Variants in MNAT1 observed in about 807,000 individuals in gnomAD.
The protein encoded by MNAT1 is CDK-activating kinase assembly factor MAT1.
MNAT1 carries 43 observed loss-of-function variants against 42.0 expected under a neutral mutation model. The ratio of observed to expected loss-of-function variants is 1.02; its 90% CI spans 0.80 to 1.32. The LOEUF (loss-of-function observed/expected upper bound fraction) is 1.32, where lower values mean the gene tolerates loss of function less well. MNAT1 is among the 40% of genes most tolerant of loss of function. The pLI, the probability that MNAT1 is intolerant of heterozygous loss-of-function variation, is 0.00. For synonymous variants in MNAT1, 118 were observed against 120.0 expected (o/e 0.98, Z 0.11); for missense variants, 306 against 350.4 (o/e 0.87, Z 1.01).
intron 7 of MNAT1, among the ~76,000 whole-genome samples, chr14:60,964,789 G>A (rs1340528757): frequency 6.6e-6 from 1 of 152,112 alleles, no homozygotes; most frequent in Non-Finnish European, 1.5e-5. Context: ...ACTTGTAATG[G>A]TCATGAAAGA....
At chr14:60,935,270 T>C (rs2035970073) in intron 7 of MNAT1, among the ~76,000 whole-genome samples, 1 of 151,590 alleles carries the variant, frequency 6.6e-6, no homozygotes, top group Non-Finnish European at 1.5e-5. Context: ...TCCCCCTCTC[T>C]TTTTTTTCTT....
Position 60,843,583 on chromosome 14 carries a change from T to C in MNAT1, c.687+24736T>C, listed in dbSNP as rs575685973. ...CTGCGTCCGGCCTCGTTTGCCTTTT[T>C]TATATCTCTTTTTGTGATGACTCTA... On this transcript the variant is annotated intron_variant, in intron 6 of 7. Transcript: ENST00000261245. 1.7e-3 allele frequency among the ~76,000 whole-genome samples: 252 copies of C among 152,340 alleles called. 1 individual carries two copies. Among genetic ancestry groups the C allele is most frequent in the Non-Finnish European group, 2.9e-3 (197 of 68,028 alleles).
intron 6 of MNAT1, among the ~76,000 whole-genome samples, chr14:60,861,744 T>G (rs1307718658): frequency 1.3e-5 from 2 of 152,204 alleles, no homozygotes; most frequent in East Asian, 3.8e-4. Context: ...GATAGAATAC[T>G]TTTGAGGTTG....
At chr14:60,775,149 A>T (rs144299401) in intron 1 of MNAT1, among the ~76,000 whole-genome samples, 1 of 152,328 alleles carries the variant, frequency 6.6e-6, no homozygotes, top group East Asian at 1.9e-4. Context: ...AGAGAAAGAG[A>T]GACAGGTAAT....
chr14:60,849,555 A>G (rs1446133840), intron 6 of MNAT1, among the ~76,000 whole-genome samples: 2 of 152,138 alleles, frequency 1.3e-5, no homozygotes, highest in Admixed American at 6.5e-5. Context: ...TATTATACTA[A>G]TAAGATCTTA....
At chr14:60,837,163 G>C (rs557288693) in intron 6 of MNAT1, among the ~76,000 whole-genome samples, 6 of 152,202 alleles carry the variant, frequency 3.9e-5, no homozygotes, top group South Asian at 2.1e-4. Context: ...TGGGCTCCGT[G>C]GGGGTGGGAT....
chr14:60,876,838 G>C (rs2034446210), intron 6 of MNAT1, among the ~76,000 whole-genome samples: 1 of 151,958 alleles, frequency 6.6e-6, no homozygotes, highest in Non-Finnish European at 1.5e-5. Flanking sequence ...TTCCTTGATG[G>C]ACACTGCGTT....
rs4151329 is a variant in MNAT1 at position 60,904,750 on chromosome 14, T to C, written c.809+24915T>C. Among the ~76,000 whole-genome samples, 493 of 152,140 alleles carry C rather than the reference T, an allele frequency of 3.2e-3. 3 individuals are homozygous for C. Among genetic ancestry groups the C allele is most frequent in the African/African-American group, 0.011 (461 of 41,538 alleles). On this transcript the variant is annotated intron_variant, in intron 7 of 7. Transcript: ENST00000261245. ...AAAATTAATCTCAGAAAGAAAGCAC[T>C]AAGTTAAAAAAAGTAAATTATTACA... is the stretch of plus-strand genomic sequence containing the variant.
chr14:60,797,316 C>T (rs2032050711), intron 2 of MNAT1, among the ~76,000 whole-genome samples: 1 of 151,720 alleles, frequency 6.6e-6, no homozygotes, highest in African/African-American at 2.4e-5. Context: ...TGATTCTTTA[C>T]AGGTACATTA....
At chr14:60,805,674 A>G (rs2032346241) in intron 3 of MNAT1, among the ~76,000 whole-genome samples, 1 of 152,146 alleles carries the variant, frequency 6.6e-6, no homozygotes. Context: ...GCCTTTTCAG[A>G]TTGGCTTCTT....
intron 3 of MNAT1, 38 bp from the exon 4 acceptor site, chr14:60,808,287 A>G (rs2032440018): frequency 7.7e-7 from 1 of 1,297,464 alleles, no homozygotes; most frequent in East Asian, 2.6e-5. Context: ...ATTTATATTA[A>G]AAATATTTTT....
At chr14:60,909,998 A>C (rs944745668) in intron 7 of MNAT1, among the ~76,000 whole-genome samples, 98 of 152,082 alleles carry the variant, frequency 6.4e-4, no homozygotes, top group Non-Finnish European at 1.2e-3. Flanking sequence ...CTTTTATTTC[A>C]CTGAGCAGTG....
chr14:60,854,819 C>G (rs1164460549), intron 6 of MNAT1, among the ~76,000 whole-genome samples: 1 of 152,180 alleles, frequency 6.6e-6, no homozygotes, highest in African/African-American at 2.4e-5. Context: ...CTTAGCAGAG[C>G]TGGTGCACTG....
intron 1 of MNAT1, among the ~76,000 whole-genome samples, chr14:60,751,805 A>T (rs1198615869): frequency 2.0e-5 from 3 of 152,058 alleles, no homozygotes; most frequent in Non-Finnish European, 4.4e-5. Flanking sequence ...AAGTGATTGT[A>T]TACCTCACTC....
In MNAT1 at chr14:60,766,694, G is replaced by A. The variant is rs548291601; in HGVS notation, c.90-29523G>A. On this transcript the variant is annotated intron_variant, in intron 1 of 7. Coordinates refer to ENST00000261245, the MANE Select transcript of MNAT1 (RefSeq NM_002431.4). ...CACTGCACTCCAGCCTGGCGACAGA[G>A]CAAGACTCCGTCTCAAAAAAAACAA... Among the ~76,000 whole-genome samples, 293 of 152,324 alleles carry A rather than the reference G, an allele frequency of 1.9e-3. 1 individual carries two copies. Among genetic ancestry groups the A allele is most frequent in the African/African-American group, 6.4e-3 (267 of 41,584 alleles).
chr14:60,950,996 G>C (rs543036881), intron 7 of MNAT1, among the ~76,000 whole-genome samples: 1 of 152,186 alleles, frequency 6.6e-6, no homozygotes, highest in Admixed American at 6.5e-5. Flanking sequence ...GCCATGGTAC[G>C]TAGAAGAGAG....
chr14:60,771,614 G>A (rs1474000066), intron 1 of MNAT1, among the ~76,000 whole-genome samples: 1 of 152,178 alleles, frequency 6.6e-6, no homozygotes, highest in East Asian at 1.9e-4. Context: ...TGTCTTACAT[G>A]ATCATTCTCC....
intron 7 of MNAT1, among the ~76,000 whole-genome samples, chr14:60,881,326 A>G (rs2034547251): frequency 6.6e-6 from 1 of 152,086 alleles, no homozygotes; most frequent in Admixed American, 6.6e-5. Context: ...CTGAGGCTGC[A>G]GGCATGCACC....
At chr14:60,927,839 G>A (rs963461658) in intron 7 of MNAT1, among the ~76,000 whole-genome samples, 1 of 152,060 alleles carries the variant, frequency 6.6e-6, no homozygotes, top group African/African-American at 2.4e-5. Flanking sequence ...TCATGACTGA[G>A]GGATACAGCA....
Sources: gnomAD v4.1 joint callset for allele counts (sites outside exome capture counted in the v4.1 genomes callset) on GRCh38, gnomAD v4.1.1 for gene constraint, MANE v1.5 for transcripts, NCBI Gene and HGNC (gene_info 2026-07-23, HGNC 2026-07-21) for gene names.